SPTBN2: variants seen among roughly 807,000 people sequenced by gnomAD.
SPTBN2 encodes the protein spectrin beta, non-erythrocytic 2, also known as spectrin beta chain, non-erythrocytic 2.
Under a neutral mutation model 284.2 loss-of-function variants are expected in SPTBN2, and 107 were observed. The observed-to-expected ratio is 0.38, with a 90% confidence interval of 0.32 to 0.44. SPTBN2 has a LOEUF of 0.44. Among genes scored for constraint, SPTBN2 ranks in the 20% least tolerant of loss-of-function variants. The pLI is 1.00. For missense variants in SPTBN2, 2,569 were observed against 3,287.1 expected (o/e 0.78, Z 5.34); for synonymous variants, 1,289 against 1,354.8 (o/e 0.95, Z 1.07).
Position 66,685,465 on chromosome 11 carries a change from T to C in SPTBN2, c.*406A>G, listed in dbSNP as rs1331689264. 7.2e-6 allele frequency: 2 copies of C among 277,248 alleles called. No homozygotes were observed. Among genetic ancestry groups the C allele is most frequent in the Non-Finnish European group, 1.4e-5 (2 of 140,262 alleles). The allele number at this position is 277,248 out of a possible 1,614,324, so 17.2% of individuals were successfully genotyped here. A position where few individuals can be genotyped will look rare whatever the true frequency, so the allele number is the denominator to read the frequency against. ...TCAGCTCTGAGAGGTTCCTGGCTGG[T>C]CTGAGGGGTGAGGAACCAGAAGGCA... is the stretch of plus-strand genomic sequence containing the variant. On this transcript the variant is annotated 3_prime_UTR_variant, in exon 38 of 38. Transcript: ENST00000533211. This position sits in a 1 kb window ranked among gnomAD's most constrained non-coding sequence, Gnocchi z 4.4.
chr11:66,700,601 A>C lies in SPTBN2; in HGVS notation c.3498T>G (p.Gly1166=). Residue 1166 remains glycine (G), a synonymous_variant, in exon 17 of 38, where the codon GGT becomes GGG. Coordinates refer to ENST00000533211, the MANE Select transcript of SPTBN2 (RefSeq NM_006946.4). This position sits in a 1 kb window ranked among gnomAD's most constrained non-coding sequence, Gnocchi z 6.6. ...ELGRMWESRQ[G]RLAQAHGFQG... ...GGAAGCCGTGGGCCTGGGCCAGGCG[A>C]CCTTGCCGGCTCTCCCACATTCGGC... is the stretch of plus-strand genomic sequence containing the variant. The C allele has an allele frequency of 6.2e-7, 1 of 1,607,860 alleles. No homozygotes were observed. Among genetic ancestry groups the C allele is most frequent in the Non-Finnish European group, 8.5e-7 (1 of 1,179,964 alleles).
At position 66,686,036 on chromosome 11, in the gene SPTBN2, C is replaced by G; in HGVS notation, c.7008G>C (p.Glu2336Asp). The G allele has an allele frequency of 2.5e-6, 4 of 1,613,700 alleles. No homozygotes were observed. Among genetic ancestry groups the G allele is most frequent in the Non-Finnish European group, 2.5e-6 (3 of 1,179,906 alleles). ...TGCTGGGCACCACCGGCTCTTCAGG[C>G]TCTCCAGAGGCAGAAGACGCTGTGG... is the stretch of plus-strand genomic sequence containing the variant. Reference protein sequence around the residue: ...AIATASSASGEPEEPVVPSTT... With the variant: ...AIATASSASGDPEEPVVPSTT... The change falls in exon 38 of 38, where the codon GAG (glutamate) becomes GAC (aspartate). Residue 2336 changes from glutamate (E) to aspartate (D), a missense_variant. By Grantham distance (45) the Glu-to-Asp change is conservative. Around this residue, in one of 6 missense-constraint regions of SPTBN2, gnomAD observed 1,130 missense variants for 1,317.3 expected, o/e 0.86. Coordinates refer to ENST00000533211, the MANE Select transcript of SPTBN2 (RefSeq NM_006946.4).
rs1001808571 is a variant in SPTBN2, at chr11:66,698,741, C to T, written c.3912G>A (p.Val1304=). The T allele has an allele frequency of 1.2e-6, 2 of 1,614,116 alleles. No homozygotes were observed. Among genetic ancestry groups the T allele is most frequent in the Admixed American group, 1.7e-5 (1 of 60,016 alleles). The part of the protein sequence containing the change: ...IDEKMLTAQD[V]SYDEARNLHT... The stretch of plus-strand genomic sequence containing the variant: ...GCAGGTTGCGGGCCTCGTCATAGGA[C>T]ACGTCCTGGGCTGTCAGCATCTTCT... The change falls in exon 20 of 38, where the codon GTG becomes GTA. Residue 1304 remains valine (V), a synonymous_variant. Coordinates refer to ENST00000533211, the MANE Select transcript of SPTBN2 (RefSeq NM_006946.4).
intron 15 of SPTBN2, among the ~76,000 whole-genome samples, chr11:66,703,976 T>C (rs888509204): frequency 1.4e-5 from 2 of 144,476 alleles, no homozygotes; most frequent in African/African-American, 2.5e-5. Context: ...TCTTTTCTTT[T>C]TTTTTTTTTT....
chr11:66,706,307 CT>C (rs1442679923), intron 13 of SPTBN2, among the ~76,000 whole-genome samples: 2 of 152,208 alleles, frequency 1.3e-5, no homozygotes, highest in Admixed American at 6.6e-5. Flanking sequence ...ATCTCTCCCC[CT>C]CTCAAAACCT....
chr11:66,687,523 G>A lies in SPTBN2; in HGVS notation c.6626C>T (p.Pro2209Leu), dbSNP rs754554600. Reference protein sequence around the residue: ...STESAHAATLPPRGPEPSAQE... With the variant: ...STESAHAATLLPRGPEPSAQE... ...GGCAGATGGCTCTGGGCCTCGAGGC[G>A]GCAGGGTGGCAGCATGGGCTGACTC... is the stretch of plus-strand genomic sequence containing the variant. The change falls in exon 35 of 38, where the codon CCG becomes CTG. Residue 2209 changes from proline to leucine, a missense_variant. Physicochemically the swap from Pro to Leu is moderately conservative, Grantham distance 98 (BLOSUM62 -3). Coordinates refer to ENST00000533211, the MANE Select transcript of SPTBN2 (RefSeq NM_006946.4). The surrounding 1 kb of genome is among the most constrained non-coding windows in gnomAD (Gnocchi z 5.2). 11 of 1,612,156 alleles carry A rather than the reference G, an allele frequency of 6.8e-6. No homozygotes were observed. The highest frequency in any genetic ancestry group is 2.2e-5 in the East Asian group (1 of 44,868).
rs944606157 is a variant in SPTBN2 at position 66,685,397 on chromosome 11, C to T, written c.*474G>A. On this transcript the variant is annotated 3_prime_UTR_variant, in exon 38 of 38. Coordinates refer to ENST00000533211, the MANE Select transcript of SPTBN2 (RefSeq NM_006946.4). The surrounding 1 kb of genome is among the most constrained non-coding windows in gnomAD (Gnocchi z 4.4). ...TGGGGGTGGGGAGGGAGGGCTCCTG[C>T]GCCTCTGACTGTCATCTGGCACTTC... 7.3e-5 allele frequency: 14 copies of T among 192,890 alleles called. No homozygotes were observed. The highest frequency in any genetic ancestry group is 6.9e-4 in the East Asian group (5 of 7,246). The allele number at this position is 192,890 out of a possible 1,614,324, so 11.9% of individuals were successfully genotyped here. A position where few individuals can be genotyped will look rare whatever the true frequency, so the allele number is the denominator to read the frequency against.
Position 66,705,370 on chromosome 11 carries a change from G to A in SPTBN2, c.1906C>T (p.Arg636Trp), listed in dbSNP as rs773155491. 75 of 1,612,298 alleles carry A rather than the reference G, an allele frequency of 4.7e-5. No homozygotes were observed. Among genetic ancestry groups the A allele is most frequent in the Admixed American group, 3.5e-4 (21 of 59,996 alleles). ...LCELAAARRA[R>W]LEESRRLWRF... ...CAGAGCCGCCGTGATTCCTCCAGCCGGGCCCGCCGCGCCGCTGCCAACTCG... is the reference window on the plus strand; with the variant it reads ...CAGAGCCGCCGTGATTCCTCCAGCCAGGCCCGCCGCGCCGCTGCCAACTCG... Residue 636 changes from arginine (R) to tryptophan (W), a missense_variant, in exon 15 of 38, where the codon CGG becomes TGG. Coordinates refer to ENST00000533211, the MANE Select transcript of SPTBN2 (RefSeq NM_006946.4).
chr11:66,699,269 A>G, intron 18 of SPTBN2, 137 bp downstream of exon 18: 1 of 1,286,276 alleles, frequency 7.8e-7, no homozygotes, highest in East Asian at 2.4e-5. Flanking sequence ...CTCTCCAACC[A>G]CTTAGTTCTT....
Position 66,710,926 on chromosome 11 carries a change from T to G in SPTBN2, c.876A>C (p.Arg292Ser). 6.2e-7 allele frequency: 1 copy of G among 1,614,212 alleles called. No homozygotes were observed. The highest frequency in any genetic ancestry group is 8.5e-7 in the Non-Finnish European group (1 of 1,180,026). The change falls in exon 9 of 38, where the codon AGA becomes AGC. Residue 292 changes from arginine (R) to serine (S), a missense_variant. Transcript: ENST00000533211. This position sits in a 1 kb window ranked among gnomAD's most constrained non-coding sequence, Gnocchi z 4.9. ...KMKALAVEGK[R>S]IGKVLDHAME... ...TGCCCATGGACAGTACCTTGCCAAT[T>G]CTCTTGCCTTCCACGGCCAGGGCCT...
At chr11:66,689,718 G>C (rs1940403824) in intron 29 of SPTBN2, 87 bp downstream of exon 29, 2 of 1,584,284 alleles carry the variant, frequency 1.3e-6, no homozygotes, top group Non-Finnish European at 1.7e-6. Context: ...CTTGCAAAGA[G>C]AGAATGAGAG....
In SPTBN2 at chr11:66,687,810, A is replaced by C. The variant is rs1940238786; in HGVS notation, c.6501+58T>G. The C allele has an allele frequency of 1.3e-6, 2 of 1,593,878 alleles. No homozygotes were observed. The highest frequency in any genetic ancestry group is 1.7e-6 in the Non-Finnish European group (2 of 1,163,678). On this transcript the variant is annotated intron_variant, in intron 34 of 37. Coordinates refer to ENST00000533211, the MANE Select transcript of SPTBN2 (RefSeq NM_006946.4). This position sits in a 1 kb window ranked among gnomAD's most constrained non-coding sequence, Gnocchi z 5.2. ...CAGTACTCCCCCACCCGCACTCACC[A>C]CCCCCTCTGGACCCTTCGCCTCACA...
rs1185584218 is a variant in SPTBN2 at position 66,685,363 on chromosome 11, G to GT, written c.*507dup. ...AGCTGGAGATGGAGTGGCAGCTGGA[G>GT]TTACAGGGTGGGGGTGGGGAGGGAG... On this transcript the variant is annotated 3_prime_UTR_variant, in exon 38 of 38. Transcript: ENST00000533211. The surrounding 1 kb of genome is among the most constrained non-coding windows in gnomAD (Gnocchi z 4.4). The GT allele has an allele frequency of 6.4e-6, 1 of 155,798 alleles. No individual in the cohort carries two copies. Among genetic ancestry groups the GT allele is most frequent in the African/African-American group, 2.8e-5 (1 of 35,568 alleles). The allele number at this position is 155,798 out of a possible 1,614,324, so 9.7% of individuals were successfully genotyped here.
chr11:66,713,933 C>T (rs1163033414), intron 7 of SPTBN2, among the ~76,000 whole-genome samples, 158 bp downstream of exon 7: 1 of 152,210 alleles, frequency 6.6e-6, no homozygotes, highest in Non-Finnish European at 1.5e-5. Flanking sequence ...CACAAGTGCT[C>T]TGCGCAGCCC....
intron 36 of SPTBN2, 54 bp from the exon 37 acceptor site, chr11:66,686,494 A>G: frequency 6.2e-7 from 1 of 1,603,486 alleles, no homozygotes; most frequent in Non-Finnish European, 8.5e-7. Context: ...TCTGCCAGGT[A>G]GCTGCTGGTG....
In SPTBN2 at chr11:66,722,461, A is replaced by G. The variant is rs1942458635; in HGVS notation, c.-113-1021T>C. Among the ~76,000 whole-genome samples, 3 of 151,518 alleles carry G rather than the reference A, an allele frequency of 2.0e-5. No individual in the cohort carries two copies. In the South Asian group the frequency reaches 6.3e-4, roughly 32 times the overall value. On this transcript the variant is annotated intron_variant, in intron 1 of 37. Transcript: ENST00000533211. Reference sequence around the variant, plus strand: ...TGTGGTGGTGGGTGCCTGTAGTCCCAGCTACTCGGGAGGCTGAGGCAGGAG... The same window carrying G: ...TGTGGTGGTGGGTGCCTGTAGTCCCGGCTACTCGGGAGGCTGAGGCAGGAG...
intron 29 of SPTBN2, among the ~76,000 whole-genome samples, chr11:66,689,593 C>T (rs1940394586): frequency 6.6e-6 from 1 of 152,200 alleles, no homozygotes; most frequent in African/African-American, 2.4e-5. Flanking sequence ...CGTGAGCCAC[C>T]ATGCCTGGCC....
At chr11:66,742,869 CAA>C (rs751477647) in intron 1 of SPTBN2, among the ~76,000 whole-genome samples, 19 of 152,188 alleles carry the variant, frequency 1.2e-4, no homozygotes, top group Non-Finnish European at 2.5e-4. Flanking sequence ...CTGGGCCTCC[CAA>C]AGTGTTGGGA....
intron 29 of SPTBN2, chr11:66,689,502 C>T (rs1940389354): frequency 3.7e-6 from 2 of 546,246 alleles, no homozygotes; most frequent in African/African-American, 3.8e-5. Context: ...GCCACACAAC[C>T]CATGGAGGCC....
Sources: gnomAD v4.1 joint callset for allele counts (sites outside exome capture counted in the v4.1 genomes callset) on GRCh38, gnomAD v4.1.1 for gene constraint, gnomAD v4.1.1 regional missense constraint, Gnocchi (gnomAD v3.1) non-coding constraint, MANE v1.5 for transcripts, NCBI Gene and HGNC (gene_info 2026-07-23, HGNC 2026-07-21) for gene names.